The following COL1A2 variants were observed in gnomAD, a reference collection of about 807,000 sequenced individuals.
COL1A2 encodes the protein collagen alpha-2(I) chain.
A neutral mutation model predicts 174.3 loss-of-function variants in COL1A2; 49 were observed. The ratio of observed to expected loss-of-function variants is 0.28; its 90% CI spans 0.22 to 0.36. The LOEUF is 0.36. Among genes scored for constraint, COL1A2 ranks in the 10% least tolerant of loss-of-function variants. The probability of loss-of-function intolerance (pLI) is 1.00; values close to 1 mark genes in which losing one functional copy is unlikely to be tolerated. For missense variants in COL1A2, 1,438 were observed against 1,822.7 expected (o/e 0.79, Z 3.84); for synonymous variants, 655 against 606.6 (o/e 1.08, Z -1.17).
Position 94,399,063 on chromosome 7 carries a change from T to C in COL1A2, c.111T>C (p.Asp37=). The change falls in exon 4 of 52, where the codon GAT becomes GAC. Residue 37 remains aspartate (D), a synonymous_variant. Coordinates refer to ENST00000297268, the MANE Select transcript of COL1A2 (RefSeq NM_000089.4). ...CTTTCCTGTAGGGCCCAGCCGGAGA[T>C]AGAGGACCACGTGGAGAAAGGGTGT... ...EETVRKGPAG[D]RGPRGERGPP... is the part of the protein sequence containing the mutation. 1 of 1,613,734 alleles carries C rather than the reference T, an allele frequency of 6.2e-7. No individual in the cohort carries two copies. Among genetic ancestry groups the C allele is most frequent in the Admixed American group, 1.7e-5 (1 of 60,004 alleles).
intron 9 of COL1A2, 65 bp from the exon 10 acceptor site, chr7:94,405,134 G>T (rs1361451668): frequency 6.5e-7 from 1 of 1,546,682 alleles, no homozygotes; most frequent in Admixed American, 1.7e-5. Context: ...TAAAAACCAA[G>T]ATTCCCCCAT....
At position 94,412,649 on chromosome 7, in the gene COL1A2, C is replaced by G. The variant is rs768334731; in HGVS notation, c.1470C>G (p.Gly490=). The G allele has an allele frequency of 6.2e-7, 1 of 1,614,146 alleles. No individual in the cohort carries two copies. The highest frequency in any genetic ancestry group is 1.7e-5 in the Admixed American group (1 of 60,016). ...CAGCTGGAGCAAGAGGAGAGCCTGG[C>G]AACATTGGATTCCCTGGACCCAAAG... ...IGPAGARGEP[G]NIGFPGPKGP... Residue 490 remains glycine (G), a synonymous_variant, in exon 25 of 52, where the codon GGC becomes GGG. Transcript: ENST00000297268.
At chr7:94,403,892 A>T (rs1018980103) in intron 6 of COL1A2, among the ~76,000 whole-genome samples, 2 of 152,194 alleles carry the variant, frequency 1.3e-5, no homozygotes, top group African/African-American at 4.8e-5. Context: ...GGAAACAACA[A>T]AGGGGAAAAC....
chr7:94,400,976 T>C (rs1314872862), intron 5 of COL1A2, among the ~76,000 whole-genome samples: 1 of 152,238 alleles, frequency 6.6e-6, no homozygotes, highest in African/African-American at 2.4e-5. Context: ...AGCAGCTTCT[T>C]TAATAGAGCT....
At chr7:94,402,596 C>T (rs1406076432) in intron 6 of COL1A2, among the ~76,000 whole-genome samples, 1 of 151,914 alleles carries the variant, frequency 6.6e-6, no homozygotes, top group Non-Finnish European at 1.5e-5. Flanking sequence ...AATGCTAATA[C>T]GAGCATGCAA....
At chr7:94,422,923 C>T in intron 39 of COL1A2, 34 bp from the exon 40 acceptor site, 1 of 1,613,680 alleles carries the variant, frequency 6.2e-7, no homozygotes, top group Non-Finnish European at 8.5e-7. Context: ...TGGTGATTAA[C>T]AGAAAGGAAA....
In COL1A2 at chr7:94,427,770, T is replaced by G; in HGVS notation, c.3411T>G (p.Ala1137=). ...SLRPKDYEVD[A]TLKSLNNQIE... is the part of the protein sequence containing the mutation. ...GACCCAAGGACTATGAAGTTGATGC[T>G]ACTCTGAAGTCTCTCAACAACCAGA... is the stretch of plus-strand genomic sequence containing the variant. The change falls in exon 49 of 52, where the codon GCT becomes GCG. Residue 1137 remains alanine, a synonymous_variant. Coordinates refer to ENST00000297268, the MANE Select transcript of COL1A2 (RefSeq NM_000089.4). 6.2e-7 allele frequency: 1 copy of G among 1,614,170 alleles called. No homozygotes were observed. Among genetic ancestry groups the G allele is most frequent in the East Asian group, 2.2e-5 (1 of 44,874 alleles).
chr7:94,400,041 C>T lies in COL1A2; in HGVS notation c.133-155C>T, dbSNP rs183084621. 6.5e-4 allele frequency: 517 copies of T among 796,068 alleles called. 3 individuals are homozygous for T. The African/African-American group carries it at 7.6e-3, about 12-fold the overall frequency. The allele number at this position is 796,068 out of a possible 1,614,324, so 49.3% of individuals were successfully genotyped here. A position where few individuals can be genotyped will look rare whatever the true frequency, so the allele number is the denominator to read the frequency against. On this transcript the variant is annotated intron_variant, in intron 4 of 51. Coordinates refer to ENST00000297268, the MANE Select transcript of COL1A2 (RefSeq NM_000089.4). The stretch of plus-strand genomic sequence containing the variant: ...TTATTAACCCTCTTTCTAAAATAGA[C>T]TCATAAGTGAATTTCAATCAATGAC...
chr7:94,425,054 G>T, intron 41 of COL1A2, 63 bp from the exon 42 acceptor site: 1 of 1,443,770 alleles, frequency 6.9e-7, no homozygotes. Context: ...GGTTGTTTTG[G>T]AGGGGAAGGT....
chr7:94,428,214 T>C (rs762153166), intron 49 of COL1A2, 79 bp from the exon 50 acceptor site: 3 of 1,193,316 alleles, frequency 2.5e-6, no homozygotes, highest in Non-Finnish European at 3.8e-6. Context: ...TGAGAGTCAG[T>C]ATCTTTCATT....
chr7:94,411,243 C>T, intron 23 of COL1A2, 89 bp downstream of exon 23: 1 of 1,062,152 alleles, frequency 9.4e-7, no homozygotes, highest in Non-Finnish European at 1.4e-6. Flanking sequence ...ACAATAAAAA[C>T]ATCAAAAGTA....
Position 94,411,038 on chromosome 7 carries a change from T to TA in COL1A2, c.1252-18_1252-17insA. The stretch of plus-strand genomic sequence containing the variant: ...AGCATCCTCCTCCTCTATCTGTTTT[T>TA]TTTTTTTTTTTGAATAGGGCCCTCC... On this transcript the variant is annotated splice_polypyrimidine_tract_variant and intron_variant, in intron 22 of 51. Coordinates refer to ENST00000297268, the MANE Select transcript of COL1A2 (RefSeq NM_000089.4). 1 of 1,602,210 alleles carries TA rather than the reference T, an allele frequency of 6.2e-7. No homozygotes were observed.
intron 1 of COL1A2, among the ~76,000 whole-genome samples, chr7:94,395,919 G>A (rs1791573899): frequency 1.3e-5 from 2 of 152,140 alleles, no homozygotes. Flanking sequence ...CCTTTGACAT[G>A]TTCCCAGTGA....
At chr7:94,403,365 T>C (rs1291274244) in intron 6 of COL1A2, among the ~76,000 whole-genome samples, 1 of 152,218 alleles carries the variant, frequency 6.6e-6, no homozygotes, top group East Asian at 1.9e-4. Flanking sequence ...AATTTCCATG[T>C]TGGAAAATCA....
At chr7:94,416,569 C>T in intron 31 of COL1A2, 66 bp downstream of exon 31, 1 of 1,151,062 alleles carries the variant, frequency 8.7e-7, no homozygotes, top group South Asian at 1.3e-5. Context: ...AGACCCTTTA[C>T]AATAGAAAGA....
chr7:94,418,627 A>G (rs917542983), intron 33 of COL1A2, 75 bp downstream of exon 33: 2 of 1,170,538 alleles, frequency 1.7e-6, no homozygotes, highest in African/African-American at 1.5e-5. Flanking sequence ...AGTTTTCCAA[A>G]TTAGAACTAC....
chr7:94,416,419 C>T lies in COL1A2; in HGVS notation c.1779C>T (p.Pro593=), dbSNP rs557321932. The T allele has an allele frequency of 6.3e-7, 1 of 1,579,050 alleles. No individual in the cohort carries two copies. The highest frequency in any genetic ancestry group is 8.6e-7 in the Non-Finnish European group (1 of 1,161,512). The change falls in exon 31 of 52, where the codon CCC becomes CCT. Residue 593 remains proline (P), a synonymous_variant. Transcript: ENST00000297268. ...GPAGPRGERG[P]PGESGAAGPT... ...ACTTTTTTCAGGGGGAACGCGGTCC[C>T]CCAGGTGAGAGTGGTGCTGCCGGTC...
Position 94,407,893 on chromosome 7 carries a change from T to C in COL1A2, c.639+2T>C. 6.2e-7 allele frequency: 1 copy of C among 1,612,994 alleles called. No homozygotes were observed. The highest frequency in any genetic ancestry group is 8.5e-7 in the Non-Finnish European group (1 of 1,179,066). The stretch of plus-strand genomic sequence containing the variant: ...GAAAATGGAACTCCAGGTCAAACAG[T>C]AAGTATTGACTACTTCATTGTAAAT... On this transcript the variant is annotated splice_donor_variant, in intron 13 of 51. Transcript: ENST00000297268. LOFTEE classifies it high-confidence loss of function.
Position 94,410,956 on chromosome 7 carries a change from CACTT to C in COL1A2, c.1251+19_1251+22del, listed in dbSNP as rs1263170816. On this transcript the variant is annotated intron_variant, in intron 22 of 51. Coordinates refer to ENST00000297268, the MANE Select transcript of COL1A2 (RefSeq NM_000089.4). ...GCTGGCGTCATGGTAAGCTGTCTAT[CACTT>C]ACTTCCTAGAAAGGGGCTTGCTGCT... 6.2e-7 allele frequency: 1 copy of C among 1,613,510 alleles called. No homozygotes were observed.
Sources: gnomAD v4.1 joint callset for allele counts (sites outside exome capture counted in the v4.1 genomes callset) on GRCh38, gnomAD v4.1.1 for gene constraint, MANE v1.5 for transcripts, NCBI Gene and HGNC (gene_info 2026-07-23, HGNC 2026-07-21) for gene names.